LRRC7: variants seen among roughly 807,000 people sequenced by gnomAD.
LRRC7 encodes the protein leucine-rich repeat-containing protein 7.
A neutral mutation model predicts 175.7 loss-of-function variants in LRRC7; 23 were observed. The observed-to-expected ratio is 0.13, with a 90% CI of 0.09 to 0.19. The LOEUF (loss-of-function observed/expected upper bound fraction) is 0.19, where lower values mean the gene tolerates loss of function less well. Ranked by LOEUF, LRRC7 falls within the 10% of genes least tolerant of loss-of-function variation. The pLI is 1.00. For missense variants in LRRC7, 1,354 were observed against 1,904.7 expected (o/e 0.71, Z 5.38); for synonymous variants, 685 against 680.9 (o/e 1.01, Z -0.09).
chr1:69,928,703 C>T (rs149590932), intron 7 of LRRC7, among the ~76,000 whole-genome samples: 3,388 of 152,288 alleles, frequency 0.022, 109 homozygotes, highest in African/African-American at 0.078. Context: ...TTCCAGGTGC[C>T]GTCTGTCACC....
rs185113376 is a variant in LRRC7 at position 69,935,849 on chromosome 1, G to A, written c.711+4279G>A. 5.3e-3 allele frequency among the ~76,000 whole-genome samples: 799 copies of A among 152,096 alleles called. 9 individuals carry two copies. Among genetic ancestry groups the A allele is most frequent in the African/African-American group, 0.019 (777 of 41,512 alleles). On this transcript the variant is annotated intron_variant, in intron 8 of 26. Transcript: ENST00000651989. ...AATAAGAAAATGTATAGTTTTTTGT[G>A]GGTAGCACATTTTCTGTTTTGCTTA...
intron 7 of LRRC7, among the ~76,000 whole-genome samples, chr1:69,910,853 G>C (rs1646502598): frequency 6.6e-6 from 1 of 152,252 alleles, no homozygotes; most frequent in African/African-American, 2.4e-5. Context: ...GCTCCACCCA[G>C]TTTGAGCTTC....
In LRRC7 at chr1:69,960,714, T is replaced by C. The variant is rs547878816; in HGVS notation, c.712-19665T>C. On this transcript the variant is annotated intron_variant, in intron 8 of 26. Transcript: ENST00000651989. ...ATGTGATTCATCACATAAACAGAAC[T>C]AAAGACAAAAACCATATGATTATCT... Among the ~76,000 whole-genome samples the C allele has an allele frequency of 2.6e-5, 4 of 151,984 alleles. No homozygotes were observed. In the East Asian group the frequency reaches 5.8e-4, roughly 22 times the overall value.
chr1:69,745,832 A>G (rs1164958745), intron 2 of LRRC7, among the ~76,000 whole-genome samples: 3 of 151,926 alleles, frequency 2.0e-5, no homozygotes, highest in South Asian at 2.1e-4. Flanking sequence ...TAGTAATATT[A>G]TGAATTTTAT....
intron 7 of LRRC7, among the ~76,000 whole-genome samples, chr1:69,858,161 G>A (rs1202536154): frequency 6.6e-6 from 1 of 152,102 alleles, no homozygotes; most frequent in African/African-American, 2.4e-5. Flanking sequence ...AAAAACCCTA[G>A]AAGAAAACCT....
rs1221908424 is a variant in LRRC7 at position 70,122,781 on chromosome 1, T to G, written c.*894T>G. 1 of 152,462 alleles carries G rather than the reference T, an allele frequency of 6.6e-6. No individual in the cohort carries two copies. Among genetic ancestry groups the G allele is most frequent in the Non-Finnish European group, 1.5e-5 (1 of 67,936 alleles). 9.4% of individuals were successfully genotyped at this position (152,462 alleles called of 1,614,324 possible). A position where few individuals can be genotyped will look rare whatever the true frequency, so the allele number is the denominator to read the frequency against. ...TGTTGATTATAAACTGTAGCCCCTG[T>G]GATTTCTTTACTTGTAAATGTGGAA... On this transcript the variant is annotated 3_prime_UTR_variant, in exon 27 of 27. Transcript: ENST00000651989.
chr1:69,937,798 C>A (rs150241685), intron 8 of LRRC7, among the ~76,000 whole-genome samples: 1 of 151,886 alleles, frequency 6.6e-6, no homozygotes, highest in Non-Finnish European at 1.5e-5. Flanking sequence ...ATATTTTCTT[C>A]TTGAAAAAGC....
chr1:69,682,665 A>T (rs1427546533), intron 2 of LRRC7, among the ~76,000 whole-genome samples: 1 of 152,154 alleles, frequency 6.6e-6, no homozygotes, highest in African/African-American at 2.4e-5. Context: ...CTTACCATCT[A>T]CCAAATCTGC....
chr1:69,592,015 G>A (rs1035057979), intron 1 of LRRC7, among the ~76,000 whole-genome samples: 3 of 152,008 alleles, frequency 2.0e-5, no homozygotes, highest in Non-Finnish European at 4.4e-5. Context: ...TGTTGAGGAA[G>A]GAACTGATCT....
chr1:70,011,003 G>A (rs933535373), intron 11 of LRRC7, among the ~76,000 whole-genome samples: 2 of 152,150 alleles, frequency 1.3e-5, no homozygotes, highest in East Asian at 1.9e-4. Context: ...TACAGACCCC[G>A]TATTGACAGA....
At chr1:69,890,211 T>A (rs1166763297) in intron 7 of LRRC7, among the ~76,000 whole-genome samples, 1 of 152,220 alleles carries the variant, frequency 6.6e-6, no homozygotes, top group Non-Finnish European at 1.5e-5. Context: ...ACAAAATGTA[T>A]TTCTTAAATA....
chr1:69,778,982 ACACT>A (rs1158527830), intron 3 of LRRC7, among the ~76,000 whole-genome samples: 2 of 150,316 alleles, frequency 1.3e-5, no homozygotes, highest in Non-Finnish European at 3.0e-5. Flanking sequence ...ATATACACAC[ACACT>A]CATATATATA....
At chr1:70,048,240 C>A (rs184751355) in intron 22 of LRRC7, among the ~76,000 whole-genome samples, 41 of 152,098 alleles carry the variant, frequency 2.7e-4, no homozygotes, top group Middle Eastern at 3.4e-3. Flanking sequence ...ATAATAAAGA[C>A]AAGGATTTAT....
At chr1:70,006,558 G>A (rs1344522290) in intron 11 of LRRC7, among the ~76,000 whole-genome samples, 2 of 151,802 alleles carry the variant, frequency 1.3e-5, no homozygotes, top group Non-Finnish European at 2.9e-5. Context: ...AGTTTTGATC[G>A]CTGATGTGTA....
At chr1:70,041,671 AT>A (rs1388990624) in intron 21 of LRRC7, among the ~76,000 whole-genome samples, 1 of 152,260 alleles carries the variant, frequency 6.6e-6, no homozygotes, top group African/African-American at 2.4e-5. Context: ...TTTTTGGAGC[AT>A]ATGTACAATG....
At chr1:70,045,953 T>C (rs1002871892) in intron 22 of LRRC7, among the ~76,000 whole-genome samples, 2 of 152,108 alleles carry the variant, frequency 1.3e-5, no homozygotes, top group South Asian at 2.1e-4. Context: ...TTGACACATA[T>C]GGATTATTAC....
chr1:69,795,628 A>G (rs1675647705), intron 4 of LRRC7, among the ~76,000 whole-genome samples: 2 of 152,322 alleles, frequency 1.3e-5, no homozygotes, highest in African/African-American at 4.8e-5. Context: ...ACTCATTCAA[A>G]TATTAGTCAA....
chr1:69,919,317 TA>T, intron 7 of LRRC7: 1 of 566,260 alleles, frequency 1.8e-6, no homozygotes, highest in South Asian at 2.2e-5. Context: ...CGTGTTCCAA[TA>T]AAACTTTATT....
rs1686965507 is a variant in LRRC7 at position 69,884,516 on chromosome 1, C to G, written c.647+46233C>G. Among the ~76,000 whole-genome samples, 2 of 135,388 alleles carry G rather than the reference C, an allele frequency of 1.5e-5. 1 individual carries two copies. Among genetic ancestry groups the G allele is most frequent in the Non-Finnish European group, 3.1e-5 (2 of 65,054 alleles). 88.8% of individuals were successfully genotyped at this position (135,388 alleles called of 152,430 possible). A position where few individuals can be genotyped will look rare whatever the true frequency, so the allele number is the denominator to read the frequency against. On this transcript the variant is annotated intron_variant, in intron 7 of 26. Transcript: ENST00000651989. ...CTTATCACCTTAAGGCGATTTTGGG[C>G]TGAGACAATGGGGTTTTCTAGATAT...
Sources: gnomAD v4.1 joint callset for allele counts (sites outside exome capture counted in the v4.1 genomes callset) on GRCh38, gnomAD v4.1.1 for gene constraint, MANE v1.5 for transcripts, NCBI Gene and HGNC (gene_info 2026-07-23, HGNC 2026-07-21) for gene names.